The following ADCK1 variants were observed in gnomAD, a reference collection of about 807,000 sequenced individuals.
The protein encoded by ADCK1 is aarF domain containing kinase 1.
In ADCK1, 41 loss-of-function variants were observed where a neutral mutation model predicts 52.3. That is an observed-to-expected ratio of 0.78 (90% CI 0.61 to 1.02). ADCK1 has a LOEUF of 1.02. Ranked by LOEUF, ADCK1 falls within the 50% of genes least tolerant of loss-of-function variation. The pLI is 0.00. For missense variants in ADCK1, 658 were observed against 679.5 expected (o/e 0.97, Z 0.35); for synonymous variants, 250 against 274.6 (o/e 0.91, Z 0.89).
chr14:77,901,852 G>A (rs2083554768), intron 6 of ADCK1, among the ~76,000 whole-genome samples: 1 of 152,156 alleles, frequency 6.6e-6, no homozygotes, highest in South Asian at 2.1e-4. Context: ...GCAGGGCTTG[G>A]AGGGCTCTTC....
chr14:77,889,167 C>T (rs577158683), intron 5 of ADCK1, among the ~76,000 whole-genome samples: 26 of 152,324 alleles, frequency 1.7e-4, no homozygotes, highest in South Asian at 1.0e-3. Flanking sequence ...TGGAACTGTG[C>T]GTCCATTAAA....
At chr14:77,873,093 G>A (rs1430392156) in intron 4 of ADCK1, among the ~76,000 whole-genome samples, 1 of 152,118 alleles carries the variant, frequency 6.6e-6, no homozygotes, top group African/African-American at 2.4e-5. Flanking sequence ...TGCACCCGTC[G>A]CCTGAGCAGT....
Position 77,925,844 on chromosome 14 carries a change from G to C in ADCK1, c.1089G>C (p.Glu363Asp). The change falls in exon 9 of 11, where the codon GAG (glutamate) becomes GAC (aspartate). Residue 363 changes from glutamate to aspartate, a missense_variant. Transcript: ENST00000238561. ...GGACTGACATGAAGAGAGTGAAGGAGTACAGCCAGCGACTGGGAGCCGGGG... is the reference window on the plus strand; with the variant it reads ...GGACTGACATGAAGAGAGTGAAGGACTACAGCCAGCGACTGGGAGCCGGGG... ...LIWTDMKRVK[E>D]YSQRLGAGDL... 1.2e-6 allele frequency: 2 copies of C among 1,614,198 alleles called. No homozygotes were observed. Among genetic ancestry groups the C allele is most frequent in the Non-Finnish European group, 1.7e-6 (2 of 1,180,022 alleles).
At chr14:77,825,710 C>T (rs986106082) in intron 3 of ADCK1, among the ~76,000 whole-genome samples, 18 of 149,776 alleles carry the variant, frequency 1.2e-4, no homozygotes, top group Non-Finnish European at 1.0e-4. Context: ...GGTGCGATCT[C>T]GGCTCACTGC....
At chr14:77,926,899 C>T (rs908960730) in intron 9 of ADCK1, among the ~76,000 whole-genome samples, 2 of 152,134 alleles carry the variant, frequency 1.3e-5, no homozygotes, top group African/African-American at 4.8e-5. Flanking sequence ...GCTTTTCCAG[C>T]CTCCAGAATT....
chr14:77,907,239 A>G (rs1292756539), intron 6 of ADCK1, among the ~76,000 whole-genome samples: 2 of 152,104 alleles, frequency 1.3e-5, no homozygotes, highest in Non-Finnish European at 2.9e-5. Context: ...TTTCATCTCT[A>G]GGGAAGAGGA....
At chr14:77,838,586 TG>T (rs1311028765) in intron 3 of ADCK1, among the ~76,000 whole-genome samples, 1 of 152,142 alleles carries the variant, frequency 6.6e-6, no homozygotes, top group Non-Finnish European at 1.5e-5. Flanking sequence ...GTAGTAAAGA[TG>T]GGGTTTCACC....
At chr14:77,879,026 T>G (rs2082961573) in intron 4 of ADCK1, among the ~76,000 whole-genome samples, 1 of 152,018 alleles carries the variant, frequency 6.6e-6, no homozygotes, top group Admixed American at 6.5e-5. Flanking sequence ...TATCACAACA[T>G]TTCCGTAGAG....
chr14:77,850,705 C>CA (rs1419079331), intron 3 of ADCK1, among the ~76,000 whole-genome samples: 1 of 141,130 alleles, frequency 7.1e-6, no homozygotes, highest in Non-Finnish European at 1.5e-5. Context: ...GGCTGGAGTG[C>CA]AGTGGCGCAA....
chr14:77,900,115 GA>G (rs1172664308), intron 6 of ADCK1, among the ~76,000 whole-genome samples: 1 of 150,282 alleles, frequency 6.7e-6, no homozygotes, highest in East Asian at 1.9e-4. Context: ...AGTAATATAG[GA>G]AAGAAAAGAA....
chr14:77,884,930 G>C (rs913411968), intron 4 of ADCK1, among the ~76,000 whole-genome samples: 1 of 152,218 alleles, frequency 6.6e-6, no homozygotes, highest in Non-Finnish European at 1.5e-5. Context: ...ATTTTGGAAA[G>C]CTCCATGTTT....
At chr14:77,919,551 C>A (rs2084001579) in intron 7 of ADCK1, among the ~76,000 whole-genome samples, 1 of 152,144 alleles carries the variant, frequency 6.6e-6, no homozygotes, top group Non-Finnish European at 1.5e-5. Context: ...TATAAACATG[C>A]ATGTGTGTCT....
rs200563111 is a variant in ADCK1 at position 77,845,418 on chromosome 14, CT to C, written c.220-13649del. 1.4e-3 allele frequency among the ~76,000 whole-genome samples: 207 copies of C among 151,602 alleles called. 2 individuals are homozygous for C. The highest frequency in any genetic ancestry group is 0.011 in the East Asian group (56 of 5,170). On this transcript the variant is annotated intron_variant, in intron 3 of 10. Transcript: ENST00000238561. The stretch of plus-strand genomic sequence containing the variant: ...TGATAGTAGCTCAATTAAAATGTTC[CT>C]TTTTTTTTCTTCCTTTTTGTTGAGA...
intron 7 of ADCK1, among the ~76,000 whole-genome samples, chr14:77,916,951 T>G (rs543970802): frequency 6.6e-6 from 1 of 152,306 alleles, no homozygotes; most frequent in Non-Finnish European, 1.5e-5. Context: ...CCAGCACTAG[T>G]GGCTCATACC....
At position 77,852,061 on chromosome 14, in the gene ADCK1, C is replaced by T. The variant is rs558842193; in HGVS notation, c.220-7015C>T. Among the ~76,000 whole-genome samples, 12 of 151,832 alleles carry T rather than the reference C, an allele frequency of 7.9e-5. No individual in the cohort carries two copies. In the South Asian group the frequency reaches 1.9e-3, roughly 24 times the overall value. On this transcript the variant is annotated intron_variant, in intron 3 of 10. Coordinates refer to ENST00000238561, the MANE Select transcript of ADCK1 (RefSeq NM_020421.4). ...TTGCCCAGGCTGGAGTGCAGTGGTG[C>T]GATCTCGGCTCACTGCAACCTCTGC...
intron 6 of ADCK1, among the ~76,000 whole-genome samples, chr14:77,901,139 G>A (rs2140243058): frequency 6.6e-6 from 1 of 151,724 alleles, no homozygotes; most frequent in Admixed American, 6.6e-5. Context: ...CCGCCTCCTG[G>A]GTTCAAGTAA....
chr14:77,908,193 C>T lies in ADCK1; in HGVS notation c.858+274C>T, dbSNP rs190964177. On this transcript the variant is annotated intron_variant, in intron 7 of 10. Transcript: ENST00000238561. ...ACCATCTGAGCCCCACAAAGCTAAG[C>T]GGCCACAGAGAACAATGATGCAAAA... 4.8e-4 allele frequency: 122 copies of T among 255,808 alleles called. No individual in the cohort carries two copies. In the East Asian group the frequency reaches 5.2e-3, roughly 11 times the overall value. The allele number at this position is 255,808 out of a possible 1,614,324, so 15.8% of individuals were successfully genotyped here.
rs141632328 is a variant in ADCK1, at chr14:77,882,271, C to T, written c.424-4820C>T. On this transcript the variant is annotated intron_variant, in intron 4 of 10. Transcript: ENST00000238561. Reference sequence around the variant, plus strand: ...CAGCCAGGTGTAGGGGGGGCCAGCTCGAGACTGCAGGAGCCAGATGTTGTT... The same window carrying T: ...CAGCCAGGTGTAGGGGGGGCCAGCTTGAGACTGCAGGAGCCAGATGTTGTT... Among the ~76,000 whole-genome samples, 88 of 151,558 alleles carry T rather than the reference C, an allele frequency of 5.8e-4. 2 individuals are homozygous for T. In the East Asian group the frequency reaches 0.015, roughly 26 times the overall value.
In ADCK1 at chr14:77,924,117, G is replaced by A. The variant is rs531097665; in HGVS notation, c.859-340G>A. The A allele has an allele frequency of 1.9e-4, 43 of 227,558 alleles. No homozygotes were observed. In the South Asian group the frequency reaches 3.1e-3, roughly 17 times the overall value. The allele number at this position is 227,558 out of a possible 1,614,324, so 14.1% of individuals were successfully genotyped here. ...GAAATGGAGAAGGACTGATAAAAGG[G>A]TATGGAGGAGAGAAATGGGGGACAA... is the stretch of plus-strand genomic sequence containing the variant. On this transcript the variant is annotated intron_variant, in intron 7 of 10. Transcript: ENST00000238561.
Sources: allele counts gnomAD v4.1 joint callset (sites outside exome capture counted in the v4.1 genomes callset), GRCh38; gene constraint gnomAD v4.1.1; transcripts MANE v1.5; gene names NCBI Gene and HGNC (gene_info 2026-07-23, HGNC 2026-07-21).